TENM2: variants seen among roughly 807,000 people sequenced by gnomAD.
The protein encoded by TENM2 is teneurin transmembrane protein 2.
In TENM2, 52 loss-of-function variants were observed where a neutral mutation model predicts 245.2. That is an observed-to-expected ratio of 0.21 (90% confidence interval 0.17 to 0.27). TENM2 has a LOEUF of 0.27. TENM2 is among the 10% of genes least tolerant of loss of function. TENM2 has a pLI of 1.00. For missense variants in TENM2, 3,046 were observed against 3,666.8 expected, an observed-to-expected ratio of 0.83 and a Z score of 4.37; for synonymous variants, 1,363 against 1,438.9, an observed-to-expected ratio of 0.95 and a Z score of 1.19.
the TENM2 span, among the ~76,000 whole-genome samples, chr5:167,115,134 G>A: frequency 1.3e-5 from 2 of 152,172 alleles, no homozygotes; most frequent in Admixed American, 1.3e-4. Flanking sequence ...AGAAGAGTGT[G>A]TAGGTGACCA....
chr5:167,550,400 T>C (rs936354189), intron 2 of TENM2, among the ~76,000 whole-genome samples: 1 of 152,180 alleles, frequency 6.6e-6, no homozygotes, highest in African/African-American at 2.4e-5. Context: ...AATATTAGTA[T>C]AAATATTCTT....
At chr5:168,053,786 G>T (rs1789309588) in intron 6 of TENM2, among the ~76,000 whole-genome samples, 1 of 152,156 alleles carries the variant, frequency 6.6e-6, no homozygotes, top group African/African-American at 2.4e-5. Flanking sequence ...ACCAAGGGAT[G>T]ACTGTGGGCC....
the TENM2 span, among the ~76,000 whole-genome samples, chr5:167,004,619 T>C: frequency 6.6e-6 from 1 of 152,236 alleles, no homozygotes; most frequent in Non-Finnish European, 1.5e-5. Context: ...CCAAAGATGG[T>C]AAATGTTATT....
At chr5:167,305,260 G>A (rs973947973) in intron 1 of TENM2, among the ~76,000 whole-genome samples, 20 of 152,280 alleles carry the variant, frequency 1.3e-4, no homozygotes, top group Middle Eastern at 3.4e-3. Context: ...CAGCTTTGCC[G>A]TCTGGACACT....
intron 2 of TENM2, among the ~76,000 whole-genome samples, chr5:167,427,969 AAGAG>A (rs1245424089): frequency 6.6e-6 from 1 of 152,012 alleles, no homozygotes; most frequent in Admixed American, 6.6e-5. Context: ...AAGAAAGAAA[AAGAG>A]AAAGAAGCCA....
rs151189922 is a variant in TENM2, at chr5:167,449,077, T to C, written c.502+73604T>C. 5.3e-5 allele frequency among the ~76,000 whole-genome samples: 8 copies of C among 152,104 alleles called. No homozygotes were observed. In the East Asian group the frequency reaches 9.7e-4, roughly 18 times the overall value. Reference sequence around the variant, plus strand: ...AAAAAAAAAAATTGGTATGCAAAAATAGAAACTTTTAAATTAATTTTCCAA... The same window carrying C: ...AAAAAAAAAAATTGGTATGCAAAAACAGAAACTTTTAAATTAATTTTCCAA... On this transcript the variant is annotated intron_variant, in intron 2 of 28. Transcript: ENST00000518659.
At chr5:166,995,003 G>A in the TENM2 span, among the ~76,000 whole-genome samples, 1 of 152,204 alleles carries the variant, frequency 6.6e-6, no homozygotes, top group African/African-American at 2.4e-5. Flanking sequence ...AAATAATAAC[G>A]ACATTTTTCA....
chr5:168,030,435 C>A (rs140542349), intron 5 of TENM2, among the ~76,000 whole-genome samples: 1 of 152,206 alleles, frequency 6.6e-6, no homozygotes, highest in Non-Finnish European at 1.5e-5. Context: ...GAGCATTCAT[C>A]CGAATCACCT....
intron 2 of TENM2, among the ~76,000 whole-genome samples, chr5:167,748,327 T>A (rs879356934): frequency 1.1e-4 from 16 of 152,142 alleles, no homozygotes; most frequent in Non-Finnish European, 1.8e-4. Context: ...TGCAAAAAAA[T>A]TTCTATCTGT....
intron 5 of TENM2, among the ~76,000 whole-genome samples, chr5:168,018,210 C>T (rs938919327): frequency 2.6e-5 from 4 of 152,126 alleles, no homozygotes; most frequent in Non-Finnish European, 4.4e-5. Context: ...CTCCCTATTC[C>T]TCTTCTCCTC....
chr5:167,390,804 T>G (rs2127361118), intron 2 of TENM2, among the ~76,000 whole-genome samples: 1 of 152,284 alleles, frequency 6.6e-6, no homozygotes, highest in Non-Finnish European at 1.5e-5. Context: ...TTTCCACTGA[T>G]ACACATTTAT....
At chr5:166,983,450 G>T in the TENM2 span, among the ~76,000 whole-genome samples, 1 of 152,080 alleles carries the variant, frequency 6.6e-6, no homozygotes, top group African/African-American at 2.4e-5. Context: ...CAGGGAAAAA[G>T]TACAGTAATG....
the TENM2 span, among the ~76,000 whole-genome samples, chr5:167,138,690 T>G: frequency 5.9e-5 from 9 of 152,234 alleles, no homozygotes; most frequent in African/African-American, 2.2e-4. Context: ...TGGCATGATC[T>G]TGGCTCACTG....
At chr5:167,541,355 T>C (rs554983907) in intron 2 of TENM2, among the ~76,000 whole-genome samples, 11 of 152,222 alleles carry the variant, frequency 7.2e-5, no homozygotes, top group African/African-American at 2.6e-4. Context: ...TCCTGCAGAG[T>C]TAATGATGGG....
intron 5 of TENM2, among the ~76,000 whole-genome samples, chr5:168,039,184 A>C (rs538258095): frequency 6.6e-6 from 1 of 152,292 alleles, no homozygotes; most frequent in South Asian, 2.1e-4. Flanking sequence ...CTTATCCTCT[A>C]AAACATTCAT....
At position 167,591,171 on chromosome 5, in the gene TENM2, C is replaced by T. The variant is rs190631430; in HGVS notation, c.502+215698C>T. Among the ~76,000 whole-genome samples, 17 of 152,188 alleles carry T rather than the reference C, an allele frequency of 1.1e-4. No individual in the cohort carries two copies. The East Asian group carries it at 2.7e-3, about 24-fold the overall frequency. On this transcript the variant is annotated intron_variant, in intron 2 of 28. Coordinates refer to ENST00000518659, the Ensembl canonical transcript of TENM2. ...TGCAAAGCTCTGCAAAGAAAGGGTT[C>T]CTTGGTGGAGTGAATTTGAGAATTA...
At chr5:167,384,714 GCA>G (rs1331679814) in intron 2 of TENM2, among the ~76,000 whole-genome samples, 3 of 108,678 alleles carry the variant, frequency 2.8e-5, no homozygotes, top group African/African-American at 1.2e-4. Context: ...GCGCACACAC[GCA>G]CACACACACA....
chr5:168,061,716 C>T (rs1445984179), intron 6 of TENM2, among the ~76,000 whole-genome samples: 1 of 152,128 alleles, frequency 6.6e-6, no homozygotes, highest in Non-Finnish European at 1.5e-5. Flanking sequence ...ATCACCCTCC[C>T]CTCCCCTGCT....
intron 12 of TENM2, among the ~76,000 whole-genome samples, chr5:168,137,652 C>A (rs965329744): frequency 6.6e-6 from 1 of 152,154 alleles, no homozygotes; most frequent in Non-Finnish European, 1.5e-5. Flanking sequence ...GCCCAGAAAG[C>A]CTAAATGTCA....
Sources: allele counts gnomAD v4.1 joint callset (sites outside exome capture counted in the v4.1 genomes callset), GRCh38; gene constraint gnomAD v4.1.1; transcripts MANE v1.5; gene names NCBI Gene and HGNC (gene_info 2026-07-23, HGNC 2026-07-21).